Variants in VPS13B observed in about 807,000 individuals in gnomAD.
VPS13B encodes the protein vacuolar protein sorting 13 homolog B.
VPS13B carries 285 observed loss-of-function variants against 426.4 expected under a neutral mutation model. That is an observed-to-expected ratio of 0.67 (90% CI 0.61 to 0.74). VPS13B has a LOEUF of 0.74. Among genes scored for constraint, VPS13B ranks in the 30% least tolerant of loss-of-function variants. VPS13B has a pLI of 0.00. For missense variants in VPS13B, 4,537 were observed against 4,782.6 expected, an observed-to-expected ratio of 0.95 and a Z score of 1.51; for synonymous variants, 1,676 against 1,676.4, an observed-to-expected ratio of 1.00 and a Z score of 0.01.
At chr8:99,786,364 G>A (rs981493994) in intron 43 of VPS13B, among the ~76,000 whole-genome samples, 1 of 152,164 alleles carries the variant, frequency 6.6e-6, no homozygotes, top group African/African-American at 2.4e-5. Flanking sequence ...GGTAGTGGCA[G>A]AATTAGGACT....
rs1812158479 is a variant in VPS13B, at chr8:99,784,366, A to G, written c.7831A>G (p.Asn2611Asp). Reference protein sequence around the residue: ...ELVFSHFVICNDTQETLRFGQ... With the variant: ...ELVFSHFVICDDTQETLRFGQ... Reference sequence around the variant, plus strand: ...GGTCTTCAGCCATTTTGTGATCTGTAATGACACACAGGAGACACTGCGGTT... The same window carrying G: ...GGTCTTCAGCCATTTTGTGATCTGTGATGACACACAGGAGACACTGCGGTT... The change falls in exon 43 of 62, where the codon AAT (asparagine) becomes GAT (aspartate). Residue 2611 changes from asparagine to aspartate, a missense_variant. By Grantham distance (23) the Asn-to-Asp change is conservative (BLOSUM62 1). Coordinates refer to ENST00000357162, the MANE Select transcript of VPS13B (RefSeq NM_152564.5). 6.2e-7 allele frequency: 1 copy of G among 1,613,720 alleles called. No individual in the cohort carries two copies. The highest frequency in any genetic ancestry group is 8.5e-7 in the Non-Finnish European group (1 of 1,179,706).
At chr8:99,515,921 G>A (rs1368788204) in intron 29 of VPS13B, among the ~76,000 whole-genome samples, 2 of 151,842 alleles carry the variant, frequency 1.3e-5, no homozygotes, top group African/African-American at 4.8e-5. Flanking sequence ...TACATTTTTT[G>A]TGTATTAATC....
At chr8:99,606,146 T>G (rs942230469) in intron 33 of VPS13B, among the ~76,000 whole-genome samples, 1 of 152,084 alleles carries the variant, frequency 6.6e-6, no homozygotes, top group African/African-American at 2.4e-5. Context: ...GCTCGAGTGA[T>G]CCACCTGCCT....
At chr8:99,349,841 G>T (rs1010264865) in intron 19 of VPS13B, among the ~76,000 whole-genome samples, 2 of 152,004 alleles carry the variant, frequency 1.3e-5, no homozygotes, top group Non-Finnish European at 2.9e-5. Flanking sequence ...CAGTATATAC[G>T]TATTTTTTAT....
intron 3 of VPS13B, among the ~76,000 whole-genome samples, chr8:99,079,641 G>A (rs1325785458): frequency 1.3e-5 from 2 of 152,062 alleles, no homozygotes; most frequent in African/African-American, 2.4e-5. Flanking sequence ...TATGTACATT[G>A]ATTTTCCCCT....
intron 19 of VPS13B, among the ~76,000 whole-genome samples, chr8:99,366,287 T>G (rs1812884995): frequency 6.6e-6 from 1 of 152,046 alleles, no homozygotes; most frequent in African/African-American, 2.4e-5. Context: ...TTTGGTATAT[T>G]AAAATTTACA....
chr8:99,150,888 G>A (rs927828001), intron 14 of VPS13B, among the ~76,000 whole-genome samples: 2 of 152,074 alleles, frequency 1.3e-5, no homozygotes, highest in African/African-American at 2.4e-5. Context: ...AACTCCTTTG[G>A]GTAAATACCA....
chr8:99,362,421 C>T (rs1304045734), intron 19 of VPS13B, among the ~76,000 whole-genome samples: 5 of 152,128 alleles, frequency 3.3e-5, no homozygotes, highest in Admixed American at 6.5e-5. Context: ...GGATTATAAG[C>T]GTGGGACACC....
intron 19 of VPS13B, among the ~76,000 whole-genome samples, chr8:99,332,382 A>G (rs1007545008): frequency 6.6e-6 from 1 of 151,738 alleles, no homozygotes; most frequent in African/African-American, 2.4e-5. Context: ...TATAGTTACT[A>G]TATTAATCTT....
At chr8:99,771,361 G>T (rs1811477098) in intron 40 of VPS13B, among the ~76,000 whole-genome samples, 1 of 152,176 alleles carries the variant, frequency 6.6e-6, no homozygotes, top group Non-Finnish European at 1.5e-5. Context: ...AGGCATCTTG[G>T]AAAGAGAAAT....
At chr8:99,667,584 G>A (rs886615364) in intron 35 of VPS13B, among the ~76,000 whole-genome samples, 1 of 152,138 alleles carries the variant, frequency 6.6e-6, no homozygotes, top group Non-Finnish European at 1.5e-5. Flanking sequence ...CTAACAGCCT[G>A]TAACTGTTCC....
intron 33 of VPS13B, among the ~76,000 whole-genome samples, chr8:99,602,028 T>C (rs973778594): frequency 6.6e-6 from 1 of 152,244 alleles, no homozygotes; most frequent in East Asian, 1.9e-4. Context: ...CAATTTTGGC[T>C]TTTGTTGCCA....
intron 33 of VPS13B, among the ~76,000 whole-genome samples, chr8:99,635,419 A>G (rs1244865836): frequency 2.6e-5 from 4 of 151,984 alleles, no homozygotes; most frequent in Non-Finnish European, 5.9e-5. Flanking sequence ...CCTGTTGGAA[A>G]TATTACTTCA....
intron 44 of VPS13B, among the ~76,000 whole-genome samples, chr8:99,816,576 T>C (rs927249419): frequency 1.3e-5 from 2 of 151,864 alleles, no homozygotes; most frequent in Non-Finnish European, 2.9e-5. Flanking sequence ...GAGGCTGGGG[T>C]GTGAAGATTA....
At chr8:99,718,169 G>A (rs1027881669) in intron 37 of VPS13B, among the ~76,000 whole-genome samples, 12 of 151,786 alleles carry the variant, frequency 7.9e-5, no homozygotes, top group African/African-American at 2.4e-4. Context: ...AGCCTCAGTC[G>A]CCTGGGCTCA....
At chr8:99,452,627 T>C (rs971128318) in intron 23 of VPS13B, among the ~76,000 whole-genome samples, 8 of 151,996 alleles carry the variant, frequency 5.3e-5, no homozygotes, top group Non-Finnish European at 1.2e-4. Flanking sequence ...CATAAACAAT[T>C]GAAAAATAAT....
intron 43 of VPS13B, chr8:99,799,241 G>T (rs1813008430): frequency 2.0e-5 from 3 of 152,284 alleles, no homozygotes; most frequent in Non-Finnish European, 2.9e-5. Context: ...TTCCGGACTT[G>T]CCAAGTTAGT....
rs772269369 is a variant in VPS13B, at chr8:99,360,120, A to ATCTT, written c.2825-24020_2825-24017dup. 6.0e-3 allele frequency among the ~76,000 whole-genome samples: 375 copies of ATCTT among 62,246 alleles called. 14 individuals are homozygous for ATCTT. Among genetic ancestry groups the ATCTT allele is most frequent in the East Asian group, 0.013 (25 of 1,998 alleles). The allele number at this position is 62,246 out of a possible 152,430, so 40.8% of individuals were successfully genotyped here. Reference sequence around the variant, plus strand: ...CCCAACCTGTTTTTTTTTTTTCCTTATCTTTCTTTCTTTCTTTCTTTCTTT... The same window carrying ATCTT: ...CCCAACCTGTTTTTTTTTTTTCCTTATCTTTCTTTCTTTCTTTCTTTCTTTCTTT... On this transcript the variant is annotated intron_variant, in intron 19 of 61. Coordinates refer to ENST00000357162, the MANE Select transcript of VPS13B (RefSeq NM_152564.5).
At chr8:99,175,356 G>A in intron 16 of VPS13B, among the ~76,000 whole-genome samples, 1 of 152,162 alleles carries the variant, frequency 6.6e-6, no homozygotes. Context: ...AAAATTTGCA[G>A]ATGAACCATT....
Sources: gnomAD v4.1 joint callset for allele counts (sites outside exome capture counted in the v4.1 genomes callset) on GRCh38, gnomAD v4.1.1 for gene constraint, MANE v1.5 for transcripts, NCBI Gene and HGNC (gene_info 2026-07-23, HGNC 2026-07-21) for gene names.